Variants in DGKH observed in about 807,000 individuals in gnomAD.
DGKH encodes the protein DAG kinase eta.
DGKH carries 90 observed loss-of-function variants against 159.3 expected under a neutral mutation model. The observed-to-expected ratio is 0.57, with a 90% CI of 0.48 to 0.67. The LOEUF (loss-of-function observed/expected upper bound fraction) is 0.67. Ranked by LOEUF, DGKH falls within the 30% of genes least tolerant of loss-of-function variation. The pLI, the probability that DGKH is intolerant of heterozygous loss-of-function variation, is 0.00. For missense variants in DGKH, 1,181 were observed against 1,506.1 expected, an observed-to-expected ratio of 0.78 and a Z score of 3.57; for synonymous variants, 536 against 553.8, an observed-to-expected ratio of 0.97 and a Z score of 0.45.
intron 9 of DGKH, among the ~76,000 whole-genome samples, 180 bp from the exon 10 acceptor site, chr13:42,168,260 T>C (rs770080940): frequency 2.0e-5 from 3 of 152,198 alleles, no homozygotes; most frequent in Non-Finnish European, 4.4e-5. Flanking sequence ...CTTTCCTCCT[T>C]ATGATTCAGA....
At chr13:42,041,985 C>T (rs949037395) in intron 1 of DGKH, among the ~76,000 whole-genome samples, 1 of 152,206 alleles carries the variant, frequency 6.6e-6, no homozygotes, top group Non-Finnish European at 1.5e-5. Flanking sequence ...TATATACGCT[C>T]TCAGCTCCTT....
At chr13:42,148,379 C>T (rs1368845708) in intron 3 of DGKH, among the ~76,000 whole-genome samples, 2 of 152,168 alleles carry the variant, frequency 1.3e-5, no homozygotes, top group South Asian at 2.1e-4. Context: ...GGTCACTCCT[C>T]ACAATGAGTT....
intron 1 of DGKH, among the ~76,000 whole-genome samples, chr13:42,079,643 A>G (rs183976674): frequency 5.3e-5 from 8 of 152,124 alleles, no homozygotes; most frequent in African/African-American, 1.9e-4. Flanking sequence ...AAGATGAACT[A>G]TTCTCACTCA....
At chr13:42,135,209 G>T (rs7327259) in intron 3 of DGKH, among the ~76,000 whole-genome samples, 1 of 151,248 alleles carries the variant, frequency 6.6e-6, no homozygotes, top group African/African-American at 2.4e-5. Flanking sequence ...TAATATATTT[G>T]TAGTTCAAGC....
At chr13:42,109,728 A>C (rs372118757) in intron 1 of DGKH, among the ~76,000 whole-genome samples, 25 of 152,170 alleles carry the variant, frequency 1.6e-4, no homozygotes, top group African/African-American at 5.8e-4. Context: ...CACAGCCTTC[A>C]TCTCTGACCA....
intron 3 of DGKH, among the ~76,000 whole-genome samples, chr13:42,149,599 A>G (rs183979256): frequency 8.5e-4 from 130 of 152,368 alleles, no homozygotes; most frequent in Middle Eastern, 6.8e-3. Flanking sequence ...GTTTTAAACT[A>G]TCACAATAGG....
At chr13:42,061,990 T>G (rs1044164021) in intron 1 of DGKH, among the ~76,000 whole-genome samples, 141 of 149,650 alleles carry the variant, frequency 9.4e-4, no homozygotes, top group Non-Finnish European at 1.0e-3. Flanking sequence ...TGTGTGTGGG[T>G]GTGTGTGTGT....
At chr13:42,092,448 A>T (rs1379618153) in intron 1 of DGKH, among the ~76,000 whole-genome samples, 1 of 152,226 alleles carries the variant, frequency 6.6e-6, no homozygotes, top group African/African-American at 2.4e-5. Context: ...TTTCTGTGAC[A>T]TGGATGGAAC....
intron 3 of DGKH, among the ~76,000 whole-genome samples, chr13:42,135,556 G>C (rs985307338): frequency 3.4e-5 from 5 of 147,868 alleles, no homozygotes; most frequent in Non-Finnish European, 7.5e-5. Context: ...TGTAGTTTAA[G>C]TTCTACCATG....
intron 3 of DGKH, among the ~76,000 whole-genome samples, chr13:42,147,572 T>C (rs1955768445): frequency 6.6e-6 from 1 of 152,186 alleles, no homozygotes; most frequent in Non-Finnish European, 1.5e-5. Context: ...CTAAAAGAGC[T>C]TGTGCCAAGG....
chr13:42,202,321 C>T (rs1184582926), intron 20 of DGKH, among the ~76,000 whole-genome samples: 1 of 152,094 alleles, frequency 6.6e-6, no homozygotes, highest in Non-Finnish European at 1.5e-5. Context: ...ATGGTTCACT[C>T]GGGATAAAGG....
intron 2 of DGKH, among the ~76,000 whole-genome samples, chr13:42,129,126 CTTG>C (rs762563172): frequency 6.6e-6 from 1 of 152,238 alleles, no homozygotes. Flanking sequence ...GGTTCAGTTA[CTTG>C]TTGTGAGCTA....
chr13:42,160,658 G>A (rs1195369769), intron 7 of DGKH, among the ~76,000 whole-genome samples: 1 of 152,194 alleles, frequency 6.6e-6, no homozygotes, highest in Non-Finnish European at 1.5e-5. Context: ...GTAGACAGTG[G>A]CATGGGACTG....
intron 1 of DGKH, chr13:42,069,570 C>T (rs1882819092): frequency 6.3e-7 from 1 of 1,589,358 alleles, no homozygotes; most frequent in South Asian, 1.1e-5. Context: ...GTGATGCTTC[C>T]TCTAGCGCTA....
chr13:42,111,882 A>G (rs1954868410), intron 1 of DGKH, among the ~76,000 whole-genome samples: 2 of 152,180 alleles, frequency 1.3e-5, no homozygotes, highest in Admixed American at 6.5e-5. Context: ...GACAGGGAAA[A>G]GGGCACAGGA....
chr13:42,177,964 CT>C (rs953647667), intron 12 of DGKH, among the ~76,000 whole-genome samples, 170 bp from the exon 13 acceptor site: 57 of 152,164 alleles, frequency 3.7e-4, no homozygotes, highest in African/African-American at 1.3e-3. Flanking sequence ...AACCGAAAGC[CT>C]TTTGCCAAAA....
intron 1 of DGKH, among the ~76,000 whole-genome samples, chr13:42,040,964 A>C (rs1593936316): frequency 2.1e-5 from 3 of 145,782 alleles, no homozygotes; most frequent in East Asian, 2.0e-4. Context: ...GCCCGCGCCC[A>C]CCCCCTCCCG....
Position 42,048,913 on chromosome 13 carries a change from G to A in DGKH, c.140G>A (p.Gly47Glu). The part of the protein sequence containing the change: ...DSSDSEAEQE[G>E]PQKLIRKVST... ...TCTGACAGCGAAGCGGAGCAAGAGG[G>A]ACCCCAGAAACTGATCCGCAAAGTG... Residue 47 changes from glycine to glutamate, a missense_variant, in exon 1 of 30, where the codon GGA becomes GAA. By Grantham distance (98) the Gly-to-Glu change is moderately conservative. Transcript: ENST00000337343. The surrounding 1 kb of genome is among the most constrained non-coding windows in gnomAD (Gnocchi z 6.7). The A allele has an allele frequency of 1.5e-6, 2 of 1,353,342 alleles. No individual in the cohort carries two copies. The highest frequency in any genetic ancestry group is 1.9e-6 in the Non-Finnish European group (2 of 1,045,864). The allele number at this position is 1,353,342 out of a possible 1,614,324, so 83.8% of individuals were successfully genotyped here. A position where few individuals can be genotyped will look rare whatever the true frequency, so the allele number is the denominator to read the frequency against.
At chr13:42,091,864 C>T (rs572846110) in intron 1 of DGKH, among the ~76,000 whole-genome samples, 1 of 152,246 alleles carries the variant, frequency 6.6e-6, no homozygotes, top group African/African-American at 2.4e-5. Context: ...AAATCAAAAC[C>T]ACAATGAGCT....
Sources: gnomAD v4.1 joint callset for allele counts (sites outside exome capture counted in the v4.1 genomes callset) on GRCh38, gnomAD v4.1.1 for gene constraint, Gnocchi (gnomAD v3.1) non-coding constraint, MANE v1.5 for transcripts, NCBI Gene and HGNC (gene_info 2026-07-23, HGNC 2026-07-21) for gene names.